The following CACNA1E variants were observed in gnomAD, a reference collection of about 807,000 sequenced individuals.
CACNA1E encodes calcium voltage-gated channel subunit alpha1 E.
A neutral mutation model predicts 259.2 loss-of-function variants in CACNA1E; 40 were observed. That is an observed-to-expected ratio of 0.15 (90% CI 0.12 to 0.20). The LOEUF (loss-of-function observed/expected upper bound fraction) is 0.20. Among genes scored for constraint, CACNA1E ranks in the 10% least tolerant of loss-of-function variants. CACNA1E has a pLI of 1.00. For synonymous variants in CACNA1E, 1,104 were observed against 1,138.5 expected, an observed-to-expected ratio of 0.97 and a Z score of 0.61; for missense variants, 1,874 against 3,040.1, an observed-to-expected ratio of 0.62 and a Z score of 9.02.
rs1206091612 is a variant in CACNA1E at position 181,590,414 on chromosome 1, A to ATATATATATATATATAT, written c.951+9638_951+9639insTATATATATATATATAT. 1.6e-3 allele frequency among the ~76,000 whole-genome samples: 204 copies of ATATATATATATATATAT among 125,534 alleles called. 1 individual carries two copies. The highest frequency in any genetic ancestry group is 5.9e-3 in the African/African-American group (190 of 31,968). 82.4% of individuals were successfully genotyped at this position (125,534 alleles called of 152,430 possible). ...TGGAGTCAATTACAAAAAAAAAAAA[A>ATATATATATATATATAT]AAATATATATATATATATATATTGT... On this transcript the variant is annotated intron_variant, in intron 6 of 47. Coordinates refer to ENST00000367573, the MANE Select transcript of CACNA1E (RefSeq NM_001205293.3).
intron 6 of CACNA1E, among the ~76,000 whole-genome samples, chr1:181,617,860 C>A (rs1010566396): frequency 9.2e-5 from 14 of 152,326 alleles, no homozygotes; most frequent in Middle Eastern, 3.4e-3. Flanking sequence ...TAGGGCTTTG[C>A]ATGTCATCTG....
chr1:181,764,150 G>A (rs750678477), intron 34 of CACNA1E, among the ~76,000 whole-genome samples: 1 of 152,172 alleles, frequency 6.6e-6, no homozygotes, highest in Non-Finnish European at 1.5e-5. Flanking sequence ...GAGCTGTACA[G>A]AGGTGTACAT....
chr1:181,784,962 G>A (rs1278610527), intron 41 of CACNA1E, among the ~76,000 whole-genome samples, 194 bp downstream of exon 41: 4 of 152,182 alleles, frequency 2.6e-5, no homozygotes, highest in Non-Finnish European at 1.5e-5. Flanking sequence ...CTTCCTGGGT[G>A]TATAGCTCTC....
Position 181,378,398 on chromosome 1 carries a change from G to C in CACNA1E, c.-14-34735G>C, listed in dbSNP as rs117617013. Among the ~76,000 whole-genome samples, 33 of 152,340 alleles carry C rather than the reference G, an allele frequency of 2.2e-4. No individual in the cohort carries two copies. In the East Asian group the frequency reaches 6.2e-3, roughly 28 times the overall value. Reference sequence around the variant, plus strand: ...TGATTGCCTTACTTTACTGTCTTGAGAGAGATTCCAGGCTGCATTTCAGGG... The same window carrying C: ...TGATTGCCTTACTTTACTGTCTTGACAGAGATTCCAGGCTGCATTTCAGGG... On this transcript the variant is annotated intron_variant, in intron 1 of 11. Transcript: ENST00000524607.
At chr1:181,441,965 G>A (rs980930895) in intron 2 of CACNA1E, among the ~76,000 whole-genome samples, 1 of 152,162 alleles carries the variant, frequency 6.6e-6, no homozygotes, top group Non-Finnish European at 1.5e-5. Flanking sequence ...TCATCTGACA[G>A]CTCAGAGCCA....
intron 7 of CACNA1E, among the ~76,000 whole-genome samples, chr1:181,702,706 G>A (rs1572646367): frequency 6.6e-6 from 1 of 151,936 alleles, no homozygotes; most frequent in African/African-American, 2.4e-5. Flanking sequence ...CATCACCTCT[G>A]CCTGGAATCC....
chr1:181,607,828 G>A (rs756263089), intron 6 of CACNA1E, among the ~76,000 whole-genome samples: 4 of 152,178 alleles, frequency 2.6e-5, no homozygotes, highest in Non-Finnish European at 4.4e-5. Context: ...TGGAAAGATG[G>A]TGTTTCAGGC....
chr1:181,698,692 G>A (rs547066634), intron 7 of CACNA1E, among the ~76,000 whole-genome samples: 1 of 152,006 alleles, frequency 6.6e-6, no homozygotes, highest in Non-Finnish European at 1.5e-5. Flanking sequence ...CAGCCATCTA[G>A]TAAGAAAATG....
chr1:181,367,392 T>C (rs6658713), intron 1 of CACNA1E, among the ~76,000 whole-genome samples: 50,328 of 151,606 alleles, frequency 0.33, 8,896 homozygotes, highest in African/African-American at 0.46. Context: ...CTCCTGGATA[T>C]TTATTTCTGC....
intron 1 of CACNA1E, among the ~76,000 whole-genome samples, chr1:181,363,433 C>T (rs1479047212): frequency 3.3e-5 from 5 of 152,146 alleles, no homozygotes; most frequent in African/African-American, 1.2e-4. Flanking sequence ...GGTCATATCC[C>T]TAAATGCAGA....
Position 181,801,385 on chromosome 1 carries a change from G to A in CACNA1E, c.*2551G>A, listed in dbSNP as rs1262322023. On this transcript the variant is annotated 3_prime_UTR_variant, in exon 48 of 48. Coordinates refer to ENST00000367573, the MANE Select transcript of CACNA1E (RefSeq NM_001205293.3). Reference sequence around the variant, plus strand: ...TGAACTCCTTGAACTCATACACACAGGTATTTGAGTCCTGAATAAAGTGTT... The same window carrying A: ...TGAACTCCTTGAACTCATACACACAAGTATTTGAGTCCTGAATAAAGTGTT... 1 of 152,324 alleles carries A rather than the reference G, an allele frequency of 6.6e-6. No homozygotes were observed. Among genetic ancestry groups the A allele is most frequent in the African/African-American group, 2.4e-5 (1 of 41,450 alleles). The allele number at this position is 152,324 out of a possible 1,614,324, so 9.4% of individuals were successfully genotyped here. A position where few individuals can be genotyped will look rare whatever the true frequency, so the allele number is the denominator to read the frequency against.
chr1:181,603,376 G>C (rs942372282), intron 6 of CACNA1E, among the ~76,000 whole-genome samples: 2 of 152,156 alleles, frequency 1.3e-5, no homozygotes, highest in Non-Finnish European at 2.9e-5. Context: ...CATCTCAAAA[G>C]AAGTGTTGTT....
At chr1:181,689,148 C>A (rs944604329) in intron 7 of CACNA1E, among the ~76,000 whole-genome samples, 1 of 151,854 alleles carries the variant, frequency 6.6e-6, no homozygotes, top group Non-Finnish European at 1.5e-5. Context: ...GATTCCTTGA[C>A]AGGCCCCGGT....
At chr1:181,376,150 A>G (rs568074703) in intron 1 of CACNA1E, among the ~76,000 whole-genome samples, 1 of 152,356 alleles carries the variant, frequency 6.6e-6, no homozygotes, top group Admixed American at 6.5e-5. Context: ...CTTGAGCTGT[A>G]GGAAGAATTC....
At position 181,617,306 on chromosome 1, in the gene CACNA1E, T is replaced by C. The variant is rs1375276525; in HGVS notation, c.952-34032T>C. On this transcript the variant is annotated intron_variant, in intron 6 of 47. Coordinates refer to ENST00000367573, the MANE Select transcript of CACNA1E (RefSeq NM_001205293.3). ...CATTTTTTTTTTTTCCTAGTGGGAG[T>C]TGTTAGTGTGTGTTTTGCTCATCAT... Among the ~76,000 whole-genome samples, 4 of 151,636 alleles carry C rather than the reference T, an allele frequency of 2.6e-5. No homozygotes were observed. The East Asian group carries it at 7.7e-4, about 29-fold the overall frequency.
chr1:181,620,536 A>G (rs1027559209), intron 6 of CACNA1E, among the ~76,000 whole-genome samples: 2 of 152,218 alleles, frequency 1.3e-5, no homozygotes, highest in African/African-American at 4.8e-5. Flanking sequence ...CCCTGAGAAC[A>G]CAGCTGCTCT....
At chr1:181,592,388 A>G (rs1334756012) in intron 6 of CACNA1E, among the ~76,000 whole-genome samples, 2 of 150,294 alleles carry the variant, frequency 1.3e-5, no homozygotes, top group Non-Finnish European at 3.0e-5. Context: ...GAGATGCAGC[A>G]CAGGTTCTGC....
At chr1:181,540,022 C>T (rs574909187) in intron 3 of CACNA1E, among the ~76,000 whole-genome samples, 5 of 152,188 alleles carry the variant, frequency 3.3e-5, no homozygotes, top group Admixed American at 6.5e-5. Flanking sequence ...TTATCATCAC[C>T]ATCAGCAGAT....
chr1:181,729,924 T>C (rs1287297417), intron 18 of CACNA1E, among the ~76,000 whole-genome samples: 1 of 152,240 alleles, frequency 6.6e-6, no homozygotes, highest in African/African-American at 2.4e-5. Flanking sequence ...TATCTACCCA[T>C]GCTTCTTGGC....
Sources: allele counts gnomAD v4.1 joint callset (sites outside exome capture counted in the v4.1 genomes callset), GRCh38; gene constraint gnomAD v4.1.1; transcripts MANE v1.5; gene names NCBI Gene and HGNC (gene_info 2026-07-23, HGNC 2026-07-21).